The following SNTG1 variants were observed in gnomAD, a reference collection of about 807,000 sequenced individuals.
SNTG1 encodes gamma-1-syntrophin.
A neutral mutation model predicts 74.7 loss-of-function variants in SNTG1; 39 were observed. The ratio of observed to expected loss-of-function variants is 0.52; its 90% CI spans 0.40 to 0.68. SNTG1 has a LOEUF of 0.68. Among genes scored for constraint, SNTG1 ranks in the 30% least tolerant of loss-of-function variants. The pLI, the probability that SNTG1 is intolerant of heterozygous loss-of-function variation, is 0.00. For synonymous variants in SNTG1, 254 were observed against 217.1 expected, an observed-to-expected ratio of 1.17 and a Z score of -1.49; for missense variants, 685 against 609.5, an observed-to-expected ratio of 1.12 and a Z score of -1.30.
chr8:50,100,408 T>G (rs907221580), intron 1 of SNTG1, among the ~76,000 whole-genome samples: 2 of 152,026 alleles, frequency 1.3e-5, no homozygotes, highest in Admixed American at 6.6e-5. Flanking sequence ...ACTTTCAAAC[T>G]GCTAAAGGAG....
intron 2 of SNTG1, among the ~76,000 whole-genome samples, chr8:50,387,594 G>A (rs1010364434): frequency 3.9e-5 from 6 of 152,078 alleles, no homozygotes; most frequent in East Asian, 3.8e-4. Context: ...GCTTAGTGGG[G>A]CAATATCAAT....
intron 1 of SNTG1, among the ~76,000 whole-genome samples, chr8:50,151,158 G>A (rs1259521191): frequency 2.6e-5 from 4 of 152,140 alleles, no homozygotes; most frequent in African/African-American, 4.8e-5. Context: ...ATGTGTCCAG[G>A]AATTTATCCA....
intron 1 of SNTG1, among the ~76,000 whole-genome samples, chr8:49,947,826 G>T (rs1474358894): frequency 6.6e-6 from 1 of 152,114 alleles, no homozygotes; most frequent in Non-Finnish European, 1.5e-5. Context: ...AAGGCTCTGT[G>T]TTGATATTAA....
At chr8:50,242,902 T>C (rs778760886) in intron 2 of SNTG1, among the ~76,000 whole-genome samples, 5 of 151,986 alleles carry the variant, frequency 3.3e-5, no homozygotes, top group Non-Finnish European at 4.4e-5. Flanking sequence ...AATGTATGTT[T>C]TTAGAATAGC....
chr8:50,783,108 G>T (rs975593004), intron 18 of SNTG1, among the ~76,000 whole-genome samples: 4 of 151,978 alleles, frequency 2.6e-5, no homozygotes, highest in Non-Finnish European at 5.9e-5. Context: ...TGTCAGTCTG[G>T]GGGGTGCCTC....
chr8:50,423,339 A>T (rs973489286), intron 4 of SNTG1, among the ~76,000 whole-genome samples: 1 of 152,242 alleles, frequency 6.6e-6, no homozygotes, highest in Non-Finnish European at 1.5e-5. Flanking sequence ...ATTATTTGAA[A>T]TATTCAATAT....
intron 13 of SNTG1, among the ~76,000 whole-genome samples, chr8:50,629,920 C>T (rs1003658155): frequency 3.9e-5 from 6 of 152,128 alleles, no homozygotes; most frequent in Admixed American, 1.3e-4. Context: ...AGTGCTGCTT[C>T]GATATTATAA....
At chr8:50,004,215 A>C (rs892969987) in intron 1 of SNTG1, among the ~76,000 whole-genome samples, 2 of 152,172 alleles carry the variant, frequency 1.3e-5, no homozygotes, top group Non-Finnish European at 2.9e-5. Context: ...AATGAAAATA[A>C]AACTACTTAA....
intron 2 of SNTG1, among the ~76,000 whole-genome samples, chr8:50,242,355 C>T (rs7003167): frequency 0.062 from 9,434 of 151,442 alleles, 404 homozygotes; most frequent in South Asian, 0.16. Context: ...ATGGCGAAAC[C>T]CCATCTCTAC....
chr8:50,655,601 T>C (rs1278706297), intron 13 of SNTG1, among the ~76,000 whole-genome samples: 2 of 152,222 alleles, frequency 1.3e-5, no homozygotes, highest in Non-Finnish European at 2.9e-5. Flanking sequence ...ATTCAGGGAC[T>C]TTATAGCTCA....
At position 50,659,243 on chromosome 8, in the gene SNTG1, A is replaced by C. The variant is rs181541120; in HGVS notation, c.1038+580A>C. On this transcript the variant is annotated intron_variant, in intron 15 of 18. Transcript: ENST00000642720. ...ATATCAAGCCATCACAAATTCTATA[A>C]AATGTCACATGGTTTCTATAGCGTT... Among the ~76,000 whole-genome samples, 228 of 152,304 alleles carry C rather than the reference A, an allele frequency of 1.5e-3. 2 individuals are homozygous for C. The highest frequency in any genetic ancestry group is 6.3e-4 in the Non-Finnish European group (43 of 68,026).
chr8:50,067,081 A>G (rs1046212366), intron 1 of SNTG1, among the ~76,000 whole-genome samples: 1 of 152,158 alleles, frequency 6.6e-6, no homozygotes, highest in Non-Finnish European at 1.5e-5. Flanking sequence ...ACCAACAGTC[A>G]TCTTACATTT....
intron 13 of SNTG1, among the ~76,000 whole-genome samples, chr8:50,637,609 T>G (rs1290333142): frequency 6.6e-6 from 1 of 152,134 alleles, no homozygotes; most frequent in African/African-American, 2.4e-5. Flanking sequence ...AGTACTCTAG[T>G]AGATCACTCA....
At chr8:50,302,077 C>CT (rs1336756830) in intron 2 of SNTG1, among the ~76,000 whole-genome samples, 1 of 151,940 alleles carries the variant, frequency 6.6e-6, no homozygotes, top group Non-Finnish European at 1.5e-5. Flanking sequence ...GGCTGGTCTG[C>CT]TTTTTTTATT....
At position 50,670,712 on chromosome 8, in the gene SNTG1, C is replaced by A. The variant is rs1292931260; in HGVS notation, c.1038+12049C>A. ...AACTACTTTAAAGTTCATATGGAAC[C>A]AAAAAAGAGCCCGCATCACCAAGTC... On this transcript the variant is annotated intron_variant, in intron 15 of 18. Coordinates refer to ENST00000642720, the MANE Select transcript of SNTG1 (RefSeq NM_018967.5). Among the ~76,000 whole-genome samples the A allele has an allele frequency of 2.5e-4, 36 of 145,676 alleles. 1 individual carries two copies. Among genetic ancestry groups the A allele is most frequent in the Non-Finnish European group, 3.8e-4 (25 of 66,528 alleles).
intron 2 of SNTG1, among the ~76,000 whole-genome samples, chr8:50,317,622 A>T (rs1469037557): frequency 2.6e-5 from 4 of 152,154 alleles, no homozygotes; most frequent in African/African-American, 9.6e-5. Context: ...AGTGGGAAGG[A>T]GAGGAATCCT....
chr8:50,156,298 C>T (rs2082252677), intron 1 of SNTG1, among the ~76,000 whole-genome samples: 1 of 151,990 alleles, frequency 6.6e-6, no homozygotes, highest in African/African-American at 2.4e-5. Context: ...GCCCTGAATC[C>T]AGTATTGTCA....
rs200229766 is a variant in SNTG1 at position 50,107,677 on chromosome 8, A to C, written c.-102-64884A>C. Among the ~76,000 whole-genome samples, 3 of 152,066 alleles carry C rather than the reference A, an allele frequency of 2.0e-5. No individual in the cohort carries two copies. The East Asian group carries it at 5.8e-4, about 29-fold the overall frequency. ...GCAATTCTCCTGCCTTAGCCTCCTA[A>C]GTAGCTGGGATTACAGGCACCTGCA... On this transcript the variant is annotated intron_variant, in intron 1 of 18. Transcript: ENST00000642720.
chr8:49,983,753 G>C (rs1022090105), intron 1 of SNTG1, among the ~76,000 whole-genome samples: 2 of 152,200 alleles, frequency 1.3e-5, no homozygotes, highest in African/African-American at 4.8e-5. Flanking sequence ...TAAAAGGTTT[G>C]CAGAACAGTG....
Sources: gnomAD v4.1 joint callset for allele counts (sites outside exome capture counted in the v4.1 genomes callset) on GRCh38, gnomAD v4.1.1 for gene constraint, MANE v1.5 for transcripts, NCBI Gene and HGNC (gene_info 2026-07-23, HGNC 2026-07-21) for gene names.